Variants in VWC2L observed in about 807,000 individuals in gnomAD.
The protein encoded by VWC2L is von Willebrand factor C domain containing 2 like.
In VWC2L, 10 loss-of-function variants were observed where a neutral mutation model predicts 21.6. The observed-to-expected ratio is 0.46, with a 90% CI of 0.29 to 0.78. VWC2L has a LOEUF of 0.78. Among genes scored for constraint, VWC2L ranks in the 30% least tolerant of loss-of-function variants. VWC2L has a pLI of 0.10. For synonymous variants in VWC2L, 96 were observed against 94.3 expected (o/e 1.02, Z -0.10); for missense variants, 209 against 277.1 (o/e 0.75, Z 1.74).
chr2:214,480,473 G>A (rs1348942881), intron 3 of VWC2L, among the ~76,000 whole-genome samples: 1 of 152,120 alleles, frequency 6.6e-6, no homozygotes, highest in African/African-American at 2.4e-5. Flanking sequence ...TAGCATTCAG[G>A]TTCATCTGCG....
intron 3 of VWC2L, among the ~76,000 whole-genome samples, chr2:214,443,115 T>C (rs1390349261): frequency 6.6e-6 from 1 of 152,074 alleles, no homozygotes; most frequent in Non-Finnish European, 1.5e-5. Context: ...GCGTGGTGGC[T>C]CTCACCTATA....
At chr2:214,569,535 T>C (rs929639875) in intron 3 of VWC2L, among the ~76,000 whole-genome samples, 1 of 152,184 alleles carries the variant, frequency 6.6e-6, no homozygotes, top group Non-Finnish European at 1.5e-5. Context: ...ATCAAAATAG[T>C]GTCAATGACG....
At chr2:214,475,130 T>C (rs1452821574) in intron 3 of VWC2L, among the ~76,000 whole-genome samples, 1 of 152,198 alleles carries the variant, frequency 6.6e-6, no homozygotes, top group Non-Finnish European at 1.5e-5. Context: ...CTTTACATTG[T>C]AGATGTAAAA....
At chr2:214,509,152 C>G (rs1689014986) in intron 3 of VWC2L, among the ~76,000 whole-genome samples, 1 of 152,204 alleles carries the variant, frequency 6.6e-6, no homozygotes, top group African/African-American at 2.4e-5. Context: ...CACTTCCCCA[C>G]TTTCACACTG....
At chr2:214,471,718 G>A (rs1158018602) in intron 3 of VWC2L, among the ~76,000 whole-genome samples, 2 of 152,126 alleles carry the variant, frequency 1.3e-5, no homozygotes, top group Admixed American at 6.5e-5. Context: ...TATTAACAAA[G>A]GGCAAAATCA....
At chr2:214,570,585 A>G (rs1331237729) in intron 3 of VWC2L, among the ~76,000 whole-genome samples, 1 of 152,034 alleles carries the variant, frequency 6.6e-6, no homozygotes. Context: ...GGCTGGTCTC[A>G]AACTCCAGCT....
chr2:214,422,303 G>A (rs1052660548), intron 2 of VWC2L, among the ~76,000 whole-genome samples: 1 of 151,668 alleles, frequency 6.6e-6, no homozygotes, highest in Admixed American at 6.6e-5. Flanking sequence ...ATTAATTTGT[G>A]TGTGTGTGTG....
At position 214,411,106 on chromosome 2, in the gene VWC2L, G is replaced by T. The variant is rs1164596911; in HGVS notation, c.-761G>T. On this transcript the variant is annotated 5_prime_UTR_variant, in exon 1 of 4. Transcript: ENST00000312504. ...TCGACAGAGCTGGGCTCAGAAGCCA[G>T]TTGTTGGCGCTGTCCGTGGTGCTGA... 2 of 152,246 alleles carry T rather than the reference G, an allele frequency of 1.3e-5. No homozygotes were observed. Among genetic ancestry groups the T allele is most frequent in the Admixed American group, 1.3e-4 (2 of 15,286 alleles). 9.4% of individuals were successfully genotyped at this position (152,246 alleles called of 1,614,324 possible).
At chr2:214,563,275 C>T (rs541044347) in intron 3 of VWC2L, among the ~76,000 whole-genome samples, 25 of 152,040 alleles carry the variant, frequency 1.6e-4, no homozygotes, top group African/African-American at 4.1e-4. Flanking sequence ...AGGCCGGGTG[C>T]GGTGGTGCAC....
At chr2:214,481,661 C>A (rs1182677272) in intron 3 of VWC2L, among the ~76,000 whole-genome samples, 4 of 152,196 alleles carry the variant, frequency 2.6e-5, no homozygotes, top group African/African-American at 9.6e-5. Context: ...AATAGTTTGA[C>A]ATCTGATGTA....
At chr2:214,428,563 T>G (rs1018218314) in intron 2 of VWC2L, among the ~76,000 whole-genome samples, 2 of 152,126 alleles carry the variant, frequency 1.3e-5, no homozygotes, top group Non-Finnish European at 2.9e-5. Context: ...TTACTGCCCA[T>G]AAGCCATCTC....
intron 3 of VWC2L, among the ~76,000 whole-genome samples, chr2:214,466,272 A>AT (rs932055532): frequency 3.3e-5 from 5 of 150,922 alleles, no homozygotes; most frequent in East Asian, 1.9e-4. Flanking sequence ...CTGGGTTGAC[A>AT]TTTTTTTTTC....
Position 214,497,651 on chromosome 2 carries a change from CA to C in VWC2L, c.520+60894del, listed in dbSNP as rs111929559. Among the ~76,000 whole-genome samples, 9 of 152,316 alleles carry C rather than the reference CA, an allele frequency of 5.9e-5. 2 individuals are homozygous for C. The highest frequency in any genetic ancestry group is 2.2e-4 in the African/African-American group (9 of 41,578). On this transcript the variant is annotated intron_variant, in intron 3 of 3. Coordinates refer to ENST00000312504, the MANE Select transcript of VWC2L (RefSeq NM_001080500.4). ...TTTCCAGCTGCCATTTCCGTAAATT[CA>C]CTCTCTTTATCAGTGTTTCTCTAAA...
At chr2:214,509,227 C>T (rs1001620525) in intron 3 of VWC2L, among the ~76,000 whole-genome samples, 3 of 152,142 alleles carry the variant, frequency 2.0e-5, no homozygotes, top group Admixed American at 6.5e-5. Context: ...ATTTTCCTAA[C>T]GTATGTATTA....
At chr2:214,414,073 T>G in intron 1 of VWC2L, 41 bp from the exon 2 acceptor site, 2 of 1,134,974 alleles carry the variant, frequency 1.8e-6, no homozygotes, top group Non-Finnish European at 2.4e-6. Flanking sequence ...TATCTTCACT[T>G]TATATATGTC....
intron 3 of VWC2L, among the ~76,000 whole-genome samples, chr2:214,499,114 G>A (rs1688855867): frequency 7.0e-6 from 1 of 142,724 alleles, no homozygotes; most frequent in Admixed American, 7.6e-5. Context: ...TGCCTCCCAG[G>A]TTCAAGCAAT....
At chr2:214,518,120 C>T (rs1006310281) in intron 3 of VWC2L, among the ~76,000 whole-genome samples, 2 of 151,666 alleles carry the variant, frequency 1.3e-5, no homozygotes, top group East Asian at 1.9e-4. Context: ...GAGCCAAGAT[C>T]ATGCCACTGC....
intron 2 of VWC2L, among the ~76,000 whole-genome samples, chr2:214,435,752 C>T (rs574702448): frequency 7.9e-5 from 12 of 152,090 alleles, no homozygotes; most frequent in South Asian, 2.1e-4. Flanking sequence ...GAATTTTAAA[C>T]TGCTGTTCCA....
In VWC2L at chr2:214,436,654, G is replaced by A; in HGVS notation, c.416G>A (p.Cys139Tyr). The A allele has an allele frequency of 6.2e-7, 1 of 1,613,370 alleles. No individual in the cohort carries two copies. The highest frequency in any genetic ancestry group is 8.5e-7 in the Non-Finnish European group (1 of 1,179,412). The change falls in exon 3 of 4, where the codon TGT (cysteine) becomes TAT (tyrosine). Residue 139 changes from cysteine (C) to tyrosine (Y), a missense_variant. Transcript: ENST00000312504. ...FKPSPCEWCR[C>Y]EPSNEVHCVV... ...CCCTCTCCATGTGAATGGTGTCGCT[G>A]TGAGCCCAGCAATGAAGTTCACTGT...
Sources: allele counts gnomAD v4.1 joint callset (sites outside exome capture counted in the v4.1 genomes callset), GRCh38; gene constraint gnomAD v4.1.1; transcripts MANE v1.5; gene names NCBI Gene and HGNC (gene_info 2026-07-23, HGNC 2026-07-21).